Variants in SARDH observed in about 807,000 individuals in gnomAD.
SARDH encodes sarcosine dehydrogenase, mitochondrial.
A neutral mutation model predicts 109.1 loss-of-function variants in SARDH; 95 were observed. The observed-to-expected ratio is 0.87, with a 90% CI of 0.74 to 1.03. The LOEUF (loss-of-function observed/expected upper bound fraction) is 1.03, where lower values mean the gene tolerates loss of function less well. Ranked by LOEUF, SARDH falls within the 50% of genes least tolerant of loss-of-function variation. The pLI is 0.00. For missense variants in SARDH, 1,267 were observed against 1,287.8 expected, an observed-to-expected ratio of 0.98 and a Z score of 0.25; for synonymous variants, 572 against 534.8, an observed-to-expected ratio of 1.07 and a Z score of -0.96.
chr9:133,718,476 C>G lies in SARDH; in HGVS notation c.1020+462G>C. 1 of 516,146 alleles carries G rather than the reference C, an allele frequency of 1.9e-6. No individual in the cohort carries two copies. Among genetic ancestry groups the G allele is most frequent in the South Asian group, 3.1e-5 (1 of 32,108 alleles). 32.0% of individuals were successfully genotyped at this position (516,146 alleles called of 1,614,324 possible). ...CTCCAGAAATTAAAGCAGTTTTTAG[C>G]CCAAAGTAGCCACTCAGTCGTTCCA... On this transcript the variant is annotated intron_variant, in intron 7 of 20. Transcript: ENST00000439388. This position sits in a 1 kb window ranked among gnomAD's most constrained non-coding sequence, Gnocchi z 4.2.
chr9:133,731,240 C>A, intron 4 of SARDH, 65 bp downstream of exon 4: 1 of 1,577,610 alleles, frequency 6.3e-7, no homozygotes, highest in South Asian at 1.2e-5. Context: ...CTTCTGCTCT[C>A]AGGGTTCTAA....
At chr9:133,664,070 G>C in intron 20 of SARDH, 56 bp from the exon 21 acceptor site, 1 of 1,584,260 alleles carries the variant, frequency 6.3e-7, no homozygotes, top group Non-Finnish European at 8.6e-7. Context: ...CAGGGCTCAC[G>C]TCTGCCTGCT....
Position 133,714,933 on chromosome 9 carries a change from C to T in SARDH, c.1151-1809G>A, listed in dbSNP as rs149189137. Reference sequence around the variant, plus strand: ...TGCGGGGAGCGCTATCAAGAGCTAGCGGAGGGGCAGCTGCAGGGAACAAGG... The same window carrying T: ...TGCGGGGAGCGCTATCAAGAGCTAGTGGAGGGGCAGCTGCAGGGAACAAGG... On this transcript the variant is annotated intron_variant, in intron 8 of 20. Coordinates refer to ENST00000439388, the MANE Select transcript of SARDH (RefSeq NM_001134707.2). Among the ~76,000 whole-genome samples the T allele has an allele frequency of 4.1e-4, 63 of 152,274 alleles. No homozygotes were observed. In the East Asian group the frequency reaches 0.01, roughly 24 times the overall value.
rs1831166547 is a variant in SARDH at position 133,693,263 on chromosome 9, G to C, written c.1921+995C>G. ...AAACTGAGCCTGACACACAGTCGGT[G>C]CTCAATGACTGCTGCCGAAGGTGCG... On this transcript the variant is annotated intron_variant, in intron 15 of 20. Transcript: ENST00000439388. The surrounding 1 kb of genome is among the most constrained non-coding windows in gnomAD (Gnocchi z 5.6). 6.6e-6 allele frequency among the ~76,000 whole-genome samples: 1 copy of C among 152,200 alleles called. No individual in the cohort carries two copies. The highest frequency in any genetic ancestry group is 1.5e-5 in the Non-Finnish European group (1 of 68,040).
chr9:133,674,433 T>C (rs577738288), intron 17 of SARDH, among the ~76,000 whole-genome samples: 4 of 152,358 alleles, frequency 2.6e-5, no homozygotes, highest in South Asian at 4.1e-4. Context: ...CTCCTGGCCG[T>C]GGATGGAGTC....
At chr9:133,697,761 C>T (rs1564264051) in intron 13 of SARDH, among the ~76,000 whole-genome samples, 2 of 152,074 alleles carry the variant, frequency 1.3e-5, no homozygotes, top group Admixed American at 6.6e-5. Flanking sequence ...TATAAGGGAG[C>T]TTCCCTCAGC....
At chr9:133,708,580 C>T in intron 10 of SARDH, 152 bp from the exon 11 acceptor site, 9 of 1,049,884 alleles carry the variant, frequency 8.6e-6, no homozygotes, top group Non-Finnish European at 1.2e-5. Context: ...CTCCATTCGC[C>T]CCACCCTTGG....
chr9:133,734,727 A>G (rs1312536508), intron 1 of SARDH, among the ~76,000 whole-genome samples: 1 of 152,104 alleles, frequency 6.6e-6, no homozygotes, highest in Non-Finnish European at 1.5e-5. Context: ...TGGGGAGGGG[A>G]CTGAGGACAG....
At chr9:133,726,617 C>T (rs1832502159) in intron 6 of SARDH, among the ~76,000 whole-genome samples, 4 of 152,114 alleles carry the variant, frequency 2.6e-5, no homozygotes, top group African/African-American at 7.2e-5. Context: ...TCAGCATCAG[C>T]GTCCAGTGGA....
chr9:133,728,908 A>G lies in SARDH; in HGVS notation c.915+857T>C, dbSNP rs908212544. On this transcript the variant is annotated intron_variant, in intron 6 of 20. Coordinates refer to ENST00000439388, the MANE Select transcript of SARDH (RefSeq NM_001134707.2). This position sits in a 1 kb window ranked among gnomAD's most constrained non-coding sequence, Gnocchi z 5.0. ...GGTGGGTGGGTGGATGGAAGGATAT[A>G]TGAAAGAAGGGATGGACAGATGAAC... 1.3e-5 allele frequency among the ~76,000 whole-genome samples: 2 copies of G among 152,100 alleles called. No individual in the cohort carries two copies. Among genetic ancestry groups the G allele is most frequent in the African/African-American group, 4.8e-5 (2 of 41,406 alleles).
downstream of SARDH, among the ~76,000 whole-genome samples, chr9:133,661,067 C>A (rs180819543): frequency 6.6e-6 from 1 of 152,020 alleles, no homozygotes; most frequent in Admixed American, 6.6e-5. Context: ...GGGCTGGGCG[C>A]GGTGGCTCAC....
chr9:133,729,932 C>G, intron 5 of SARDH, 67 bp from the exon 6 acceptor site: 1 of 1,593,428 alleles, frequency 6.3e-7, no homozygotes, highest in Non-Finnish European at 8.6e-7. Context: ...CAGGTGTGCA[C>G]AGGCTGCCTC....
rs1226558523 is a variant in SARDH at position 133,709,191 on chromosome 9, C to G, written c.1329-763G>C. On this transcript the variant is annotated intron_variant, in intron 10 of 20. Coordinates refer to ENST00000439388, the MANE Select transcript of SARDH (RefSeq NM_001134707.2). The surrounding 1 kb of genome is among the most constrained non-coding windows in gnomAD (Gnocchi z 4.2). Reference sequence around the variant, plus strand: ...GGCCACGGCAGCCCCCGGTGGTGTCCAGCACGAACCCGGCGGGCCCCATGC... The same window carrying G: ...GGCCACGGCAGCCCCCGGTGGTGTCGAGCACGAACCCGGCGGGCCCCATGC... 1.3e-5 allele frequency among the ~76,000 whole-genome samples: 2 copies of G among 152,140 alleles called. No individual in the cohort carries two copies. Among genetic ancestry groups the G allele is most frequent in the Non-Finnish European group, 2.9e-5 (2 of 68,006 alleles).
At position 133,664,252 on chromosome 9, in the gene SARDH, G is replaced by A. The variant is rs129929; in HGVS notation, c.2632-238C>T. On this transcript the variant is annotated intron_variant, in intron 20 of 20. Coordinates refer to ENST00000439388, the MANE Select transcript of SARDH (RefSeq NM_001134707.2). ...GGTCCGGCAAAGCCAAGGTCTGGCA[G>A]CCAATATGACTTCCACCGGACAACA... 8.8e-3 allele frequency among the ~76,000 whole-genome samples: 1,334 copies of A among 152,288 alleles called. 8 individuals carry two copies. The highest frequency in any genetic ancestry group is 0.015 in the Non-Finnish European group (995 of 68,026).
intron 8 of SARDH, among the ~76,000 whole-genome samples, chr9:133,713,370 C>G (rs1196013386): frequency 6.6e-6 from 1 of 152,178 alleles, no homozygotes; most frequent in African/African-American, 2.4e-5. Context: ...CTGGGTTCTG[C>G]CTGGTGGGGT....
intron 13 of SARDH, 45 bp from the exon 14 acceptor site, chr9:133,696,406 G>A (rs1412427407): frequency 6.2e-7 from 1 of 1,612,978 alleles, no homozygotes. Flanking sequence ...GGCCTTTGGG[G>A]TGTGCTTCTT....
At chr9:133,672,406 G>C (rs1014671988) in intron 17 of SARDH, among the ~76,000 whole-genome samples, 6 of 152,234 alleles carry the variant, frequency 3.9e-5, no homozygotes, top group African/African-American at 1.2e-4. Flanking sequence ...TCACCATTCA[G>C]TCCACAGCAG....
intron 12 of SARDH, chr9:133,703,336 A>T: frequency 2.4e-6 from 1 of 418,276 alleles, no homozygotes; most frequent in South Asian, 2.9e-5. Context: ...GTTACCCAGG[A>T]CCTCAGCCAG....
chr9:133,731,195 AC>A, intron 4 of SARDH, 109 bp downstream of exon 4: 2 of 1,414,992 alleles, frequency 1.4e-6, no homozygotes, highest in Non-Finnish European at 1.9e-6. Flanking sequence ...GCCCAAAGTC[AC>A]ACAGCAGTCA....
Sources: allele counts gnomAD v4.1 joint callset (sites outside exome capture counted in the v4.1 genomes callset), GRCh38; gene constraint gnomAD v4.1.1; non-coding constraint Gnocchi (gnomAD v3.1); transcripts MANE v1.5; gene names NCBI Gene and HGNC (gene_info 2026-07-23, HGNC 2026-07-21).